The following RIIAD1 variants were observed in gnomAD, a reference collection of about 807,000 sequenced individuals.
The protein encoded by RIIAD1 is RIIa domain-containing protein 1.
RIIAD1 carries 15 observed loss-of-function variants against 13.3 expected under a neutral mutation model. The ratio of observed to expected loss-of-function variants is 1.13; its 90% CI spans 0.76 to 1.74. The LOEUF (loss-of-function observed/expected upper bound fraction) is 1.74. Among genes scored for constraint, RIIAD1 ranks in the 40% most tolerant of loss-of-function variants. The pLI is 0.00. For synonymous variants in RIIAD1, 50 were observed against 43.3 expected (o/e 1.16, Z -0.61); for missense variants, 121 against 112.2 (o/e 1.08, Z -0.35).
chr1:151,726,125 C>G (rs1048776046), intron 2 of RIIAD1, among the ~76,000 whole-genome samples: 8 of 152,142 alleles, frequency 5.3e-5, no homozygotes, highest in Non-Finnish European at 1.0e-4. Context: ...GTCCCTCAAC[C>G]CTCATCCTGC....
At chr1:151,725,653 C>T (rs182792932) in intron 2 of RIIAD1, among the ~76,000 whole-genome samples, 44 of 151,916 alleles carry the variant, frequency 2.9e-4, no homozygotes, top group African/African-American at 9.2e-4. Context: ...TCTACTAGCA[C>T]GGATTTATTG....
chr1:151,716,214 G>A lies in RIIAD1; in HGVS notation c.21+1685G>A, dbSNP rs1007406863. On this transcript the variant is annotated intron_variant, in intron 4 of 8. Transcript: ENST00000326413. Reference sequence around the variant, plus strand: ...GAGGCCCAGGGAGTTGAGTGCTAGGGGTCAGGGGTCTAGGCAGACGCTGTC... The same window carrying A: ...GAGGCCCAGGGAGTTGAGTGCTAGGAGTCAGGGGTCTAGGCAGACGCTGTC... 5.2e-6 allele frequency: 3 copies of A among 572,132 alleles called. No homozygotes were observed. In the African/African-American group the frequency reaches 5.6e-5, roughly 11 times the overall value. 35.4% of individuals were successfully genotyped at this position (572,132 alleles called of 1,614,324 possible). A position where few individuals can be genotyped will look rare whatever the true frequency, so the allele number is the denominator to read the frequency against.
chr1:151,727,756 C>CT, intron 3 of RIIAD1, 135 bp downstream of exon 3: 1 of 611,132 alleles, frequency 1.6e-6, no homozygotes, highest in Non-Finnish European at 2.9e-6. Context: ...CCAAAGGGAG[C>CT]TTTTTTCAGC....
At position 151,721,619 on chromosome 1, in the gene RIIAD1, A is replaced by G; in HGVS notation, c.83A>G (p.Lys28Arg). Residue 28 changes from lysine (K) to arginine (R), a missense_variant and splice_region_variant, in exon 1 of 5, where the codon AAG becomes AGG. Physicochemically the swap from Lys to Arg is conservative, Grantham distance 26. Transcript: ENST00000479191. The stretch of plus-strand genomic sequence containing the variant: ...CAGCTGGAGCAGCTGCGAAAATTCA[A>G]GGTGGGTGCGCCCGCGCCCCCATCC... ...AAQLEQLRKF[K>R]IQTRIANEKY... 7.8e-7 allele frequency: 1 copy of G among 1,286,786 alleles called. No individual in the cohort carries two copies. 79.7% of individuals were successfully genotyped at this position (1,286,786 alleles called of 1,614,324 possible).
chr1:151,715,504 C>T, intron 4 of RIIAD1: 5 of 738,234 alleles, frequency 6.8e-6, no homozygotes, highest in Non-Finnish European at 8.3e-6. Context: ...TGCTCAGATT[C>T]TCAGTCTTGC....
chr1:151,725,096 C>A (rs1433255692), intron 2 of RIIAD1, among the ~76,000 whole-genome samples: 1 of 143,174 alleles, frequency 7.0e-6, no homozygotes, highest in Non-Finnish European at 1.5e-5. Flanking sequence ...GCATGAGCCA[C>A]CGCACCTCGC....
chr1:151,716,796 C>T (rs1298264837), upstream of RIIAD1: 1 of 467,090 alleles, frequency 2.1e-6, no homozygotes, highest in Admixed American at 2.4e-5. Context: ...CTCTCCTCAA[C>T]AAAAACCTCC....
chr1:151,714,821 A>G (rs1391524856), intron 4 of RIIAD1: 10 of 645,608 alleles, frequency 1.5e-5, no homozygotes, highest in Non-Finnish European at 2.5e-5. Context: ...GGTGTCTCCA[A>G]GGGGTAGACT....
chr1:151,714,707 CG>C (rs1350339814), intron 4 of RIIAD1: 8 of 1,477,930 alleles, frequency 5.4e-6, no homozygotes, highest in Non-Finnish European at 6.5e-6. Context: ...AGAAACACGG[CG>C]GGGGGTGAGT....
At chr1:151,715,556 C>T (rs868502145) in intron 4 of RIIAD1, 1 of 1,277,030 alleles carries the variant, frequency 7.8e-7, no homozygotes, top group Non-Finnish European at 1.0e-6. Flanking sequence ...AGCTGCTTAT[C>T]TCCCAAACCA....
intron 4 of RIIAD1, 21 bp downstream of exon 4, chr1:151,728,914 C>T: frequency 2.6e-6 from 2 of 760,668 alleles, no homozygotes; most frequent in South Asian, 1.5e-5. Flanking sequence ...ACCTCACTTA[C>T]AGACAGAGGC....
At chr1:151,717,119 G>C (rs2101497057), upstream of RIIAD1, among the ~76,000 whole-genome samples, 1 of 152,246 alleles carries the variant, frequency 6.6e-6, no homozygotes, top group East Asian at 1.9e-4. Flanking sequence ...CCCGGTGCTG[G>C]AAGACTCAGC....
upstream of RIIAD1, among the ~76,000 whole-genome samples, chr1:151,719,422 C>T (rs975081124): frequency 5.3e-5 from 8 of 152,142 alleles, no homozygotes; most frequent in African/African-American, 1.9e-4. Flanking sequence ...GGCTGCCCTA[C>T]ATAAAAAGAT....
At chr1:151,716,948 C>T, upstream of RIIAD1, 2 of 348,124 alleles carry the variant, frequency 5.7e-6, no homozygotes, top group South Asian at 2.2e-5. Context: ...TATCTCCATC[C>T]TCCCTGACTC....
chr1:151,727,690 A>G, intron 3 of RIIAD1, 69 bp downstream of exon 3: 1 of 1,067,246 alleles, frequency 9.4e-7, no homozygotes, highest in Non-Finnish European at 1.4e-6. Flanking sequence ...GTGAGTTTAG[A>G]CTTGAATGAG....
intron 2 of RIIAD1, 106 bp downstream of exon 2, chr1:151,722,268 AT>A: frequency 1.4e-6 from 1 of 735,936 alleles, no homozygotes; most frequent in Non-Finnish European, 2.4e-6. Flanking sequence ...ATGTCTATTC[AT>A]TTACTTTAAC....
At chr1:151,727,143 C>T (rs1045649993) in intron 2 of RIIAD1, among the ~76,000 whole-genome samples, 6 of 152,124 alleles carry the variant, frequency 3.9e-5, no homozygotes, top group Admixed American at 1.3e-4. Context: ...AATTAGCCAT[C>T]GCACATGCCT....
Position 151,715,471 on chromosome 1 carries a change from C to G in RIIAD1, c.21+942C>G, listed in dbSNP as rs1403883136. ...GAACACCTGACCCTGTGTCCTGACC[C>G]CCATCCCAATATTATCTGAGGCTGC... On this transcript the variant is annotated intron_variant, in intron 4 of 8. Coordinates refer to the RIIAD1 transcript ENST00000326413. 3.7e-5 allele frequency: 20 copies of G among 545,332 alleles called. 1 individual carries two copies. The Middle Eastern group carries it at 2.8e-3, about 75-fold the overall frequency. The allele number at this position is 545,332 out of a possible 1,614,324, so 33.8% of individuals were successfully genotyped here. A position where few individuals can be genotyped will look rare whatever the true frequency, so the allele number is the denominator to read the frequency against.
chr1:151,713,026 G>A (rs137902322), intron 2 of RIIAD1, among the ~76,000 whole-genome samples: 5 of 152,286 alleles, frequency 3.3e-5, no homozygotes, highest in African/African-American at 1.2e-4. Flanking sequence ...ACAGACATCT[G>A]CTCCCCACAA....
Sources: gnomAD v4.1 joint callset for allele counts (sites outside exome capture counted in the v4.1 genomes callset) on GRCh38, gnomAD v4.1.1 for gene constraint, MANE v1.5 for transcripts, NCBI Gene and HGNC (gene_info 2026-07-23, HGNC 2026-07-21) for gene names.